Variants in TRPM6 observed in about 807,000 individuals in gnomAD.
The protein encoded by TRPM6 is transient receptor potential cation channel subfamily M member 6.
Under a neutral mutation model 247.6 loss-of-function variants are expected in TRPM6, and 111 were observed. That is an observed-to-expected ratio of 0.45 (90% CI 0.38 to 0.52). TRPM6 has a LOEUF of 0.52. TRPM6 is among the 20% of genes least tolerant of loss of function. The pLI, the probability that TRPM6 is intolerant of heterozygous loss-of-function variation, is 0.00. For synonymous variants in TRPM6, 892 were observed against 853.8 expected (o/e 1.04, Z -0.78); for missense variants, 2,126 against 2,421.5 (o/e 0.88, Z 2.56).
chr9:74,832,615 G>A (rs964558037), intron 6 of TRPM6, among the ~76,000 whole-genome samples: 1 of 152,178 alleles, frequency 6.6e-6, no homozygotes, highest in African/African-American at 2.4e-5. Context: ...ATAACGGAGG[G>A]TGTCGGCTGA....
intron 1 of TRPM6, among the ~76,000 whole-genome samples, chr9:74,883,515 C>T (rs1831430489): frequency 6.6e-6 from 1 of 152,124 alleles, no homozygotes. Flanking sequence ...GACAGTTTGG[C>T]ACATAACACT....
intron 7 of TRPM6, among the ~76,000 whole-genome samples, chr9:74,822,451 C>T (rs186462662): frequency 2.3e-3 from 342 of 150,402 alleles, no homozygotes; most frequent in African/African-American, 8.1e-3. Flanking sequence ...GATGGGGTCT[C>T]CCTATGTTGC....
intron 20 of TRPM6, among the ~76,000 whole-genome samples, chr9:74,787,520 T>C (rs1041528406): frequency 1.3e-5 from 2 of 152,178 alleles, no homozygotes; most frequent in African/African-American, 4.8e-5. Context: ...CTATAATCTA[T>C]AAACTCCACA....
At chr9:74,821,545 T>C in intron 8 of TRPM6, 124 bp downstream of exon 8, 1 of 1,152,138 alleles carries the variant, frequency 8.7e-7, no homozygotes, top group Non-Finnish European at 1.3e-6. Flanking sequence ...CACTGAGAAA[T>C]GAAATCCAGT....
intron 1 of TRPM6, among the ~76,000 whole-genome samples, chr9:74,866,918 T>C (rs74974480): frequency 0.024 from 3,731 of 152,332 alleles, 147 homozygotes; most frequent in African/African-American, 0.082. Flanking sequence ...TTACCACATA[T>C]GAAATTAAAA....
chr9:74,829,868 T>C (rs1829484204), intron 6 of TRPM6, among the ~76,000 whole-genome samples: 2 of 152,174 alleles, frequency 1.3e-5, no homozygotes, highest in Non-Finnish European at 2.9e-5. Flanking sequence ...CTCATTCCTA[T>C]AATCCCAACA....
chr9:74,853,832 A>G (rs1176842377), intron 3 of TRPM6, among the ~76,000 whole-genome samples: 1 of 152,196 alleles, frequency 6.6e-6, no homozygotes, highest in Non-Finnish European at 1.5e-5. Flanking sequence ...CCCCTCTCCG[A>G]GAAACACCCA....
intron 1 of TRPM6, among the ~76,000 whole-genome samples, chr9:74,866,406 A>G (rs1473419618): frequency 6.6e-6 from 1 of 152,212 alleles, no homozygotes; most frequent in African/African-American, 2.4e-5. Context: ...AGAGAAAAAC[A>G]GTTTTAATAG....
In TRPM6 at chr9:74,887,740, C is replaced by G; in HGVS notation, c.33+84G>C. 3 of 1,613,660 alleles carry G rather than the reference C, an allele frequency of 1.9e-6. No homozygotes were observed. The South Asian group carries it at 3.3e-5, about 18-fold the overall frequency. On this transcript the variant is annotated intron_variant, in intron 1 of 38. Coordinates refer to ENST00000360774, the MANE Select transcript of TRPM6 (RefSeq NM_017662.5). ...TTAGATGTAGTGTCCCTGGCCCCAC[C>G]CACTTCTATCTAAGGCCGGGGGCGC...
chr9:74,771,198 T>G (rs1454997534), intron 25 of TRPM6, among the ~76,000 whole-genome samples: 1 of 152,176 alleles, frequency 6.6e-6, no homozygotes, highest in Non-Finnish European at 1.5e-5. Context: ...CTCCACTCAA[T>G]GCCCTCAGAG....
At chr9:74,765,350 CAAA>C (rs56073840) in intron 25 of TRPM6, among the ~76,000 whole-genome samples, 1 of 106,444 alleles carries the variant, frequency 9.4e-6, no homozygotes. Context: ...GTGTTAAGAG[CAAA>C]AAAAAAAAAA....
chr9:74,761,392 T>G (rs1214304871), intron 27 of TRPM6, among the ~76,000 whole-genome samples: 2 of 152,146 alleles, frequency 1.3e-5, no homozygotes, highest in Admixed American at 1.3e-4. Flanking sequence ...GATAAGTAAA[T>G]TGCAGTATAT....
chr9:74,816,868 T>A, intron 10 of TRPM6, 24 bp downstream of exon 10: 1 of 1,613,348 alleles, frequency 6.2e-7, no homozygotes, highest in East Asian at 2.2e-5. Flanking sequence ...TGAGGAACAA[T>A]TGCAACCCCA....
Position 74,803,862 on chromosome 9 carries a change from T to G in TRPM6, c.1663A>C (p.Arg555=), listed in dbSNP as rs1271381991. 1 of 1,613,352 alleles carries G rather than the reference T, an allele frequency of 6.2e-7. No individual in the cohort carries two copies. The highest frequency in any genetic ancestry group is 8.5e-7 in the Non-Finnish European group (1 of 1,179,390). Residue 555 remains arginine (R), a synonymous_variant, in exon 15 of 39, where the codon AGA becomes CGA. Coordinates refer to ENST00000360774, the MANE Select transcript of TRPM6 (RefSeq NM_017662.5). ...AGCGTACTTTCTGCAGACTCATTTC[T>G]ATTTCCTGAGGAGTGTCTCTGGTGC... ...YKHQRHSSGN[R]NESAESTLHS...
intron 21 of TRPM6, 89 bp from the exon 22 acceptor site, chr9:74,782,942 G>C: frequency 8.1e-7 from 1 of 1,236,172 alleles, no homozygotes; most frequent in Non-Finnish European, 1.2e-6. Context: ...AACTATACCT[G>C]CAAATAATAA....
At chr9:74,860,353 T>A (rs914410051) in intron 1 of TRPM6, among the ~76,000 whole-genome samples, 4 of 152,084 alleles carry the variant, frequency 2.6e-5, no homozygotes, top group African/African-American at 7.2e-5. Flanking sequence ...TTTATTTTTT[T>A]ATTTTTTTTG....
intron 32 of TRPM6, 78 bp from the exon 33 acceptor site, chr9:74,742,704 AT>A: frequency 8.5e-7 from 1 of 1,175,042 alleles, no homozygotes; most frequent in Admixed American, 1.7e-5. Flanking sequence ...ACATCAATAT[AT>A]TCATATAATG....
chr9:74,771,501 T>C (rs887119477), intron 25 of TRPM6, among the ~76,000 whole-genome samples: 4 of 152,236 alleles, frequency 2.6e-5, no homozygotes, highest in African/African-American at 7.2e-5. Context: ...CACTTATTCC[T>C]AGTAACTAAA....
intron 11 of TRPM6, among the ~76,000 whole-genome samples, 154 bp from the exon 12 acceptor site, chr9:74,812,587 A>AATTTAAAT (rs1167602478): frequency 6.6e-6 from 1 of 152,056 alleles, no homozygotes; most frequent in Non-Finnish European, 1.5e-5. Context: ...AAAAGGAAAA[A>AATTTAAAT]ATTTAAATAC....
Sources: allele counts gnomAD v4.1 joint callset (sites outside exome capture counted in the v4.1 genomes callset), GRCh38; gene constraint gnomAD v4.1.1; transcripts MANE v1.5; gene names NCBI Gene and HGNC (gene_info 2026-07-23, HGNC 2026-07-21).